The following SORBS3 variants were observed in gnomAD, a reference collection of about 807,000 sequenced individuals.
SORBS3 encodes sorbin and SH3 domain containing 3, also known as vinexin.
SORBS3 carries 69 observed loss-of-function variants against 98.0 expected under a neutral mutation model. That is an observed-to-expected ratio of 0.70 (90% CI 0.58 to 0.86). The LOEUF (loss-of-function observed/expected upper bound fraction) is 0.86. SORBS3 is among the 40% of genes least tolerant of loss of function. The probability of loss-of-function intolerance (pLI) is 0.00; values close to 1 mark genes in which losing one functional copy is unlikely to be tolerated. For missense variants in SORBS3, 954 were observed against 908.5 expected, an observed-to-expected ratio of 1.05 and a Z score of -0.64; for synonymous variants, 394 against 355.4, an observed-to-expected ratio of 1.11 and a Z score of -1.22.
chr8:22,569,806 C>G (rs1840525379), intron 17 of SORBS3, among the ~76,000 whole-genome samples: 1 of 152,018 alleles, frequency 6.6e-6, no homozygotes, highest in Non-Finnish European at 1.5e-5. Flanking sequence ...CTCCTGGGCT[C>G]AAGCGATCCC....
intron 1 of SORBS3, 39 bp downstream of exon 1, chr8:22,552,061 C>G: frequency 1.0e-6 from 1 of 985,246 alleles, no homozygotes; most frequent in Non-Finnish European, 1.2e-6. Context: ...TAGGCGAGGC[C>G]GGCGGGAGGG....
intron 17 of SORBS3, among the ~76,000 whole-genome samples, chr8:22,569,710 T>C (rs2117287548): frequency 6.6e-6 from 1 of 152,322 alleles, no homozygotes; most frequent in Admixed American, 6.5e-5. Flanking sequence ...CCCCAGTCTC[T>C]TTCATTATGC....
At chr8:22,565,111 G>A in intron 10 of SORBS3, 157 bp from the exon 11 acceptor site, 1 of 1,461,928 alleles carries the variant, frequency 6.8e-7, no homozygotes, top group South Asian at 1.4e-5. Flanking sequence ...TTGGCACCCT[G>A]GGCCACACCT....
At chr8:22,566,280 C>CTAGGGGTG in intron 12 of SORBS3, 65 bp from the exon 13 acceptor site, 1 of 1,576,300 alleles carries the variant, frequency 6.3e-7, no homozygotes, top group South Asian at 1.2e-5. Context: ...TCAGAGCGGT[C>CTAGGGGTG]TAGGGGTGAC....
At chr8:22,564,815 C>T (rs1176169621) in intron 10 of SORBS3, 2 of 1,315,742 alleles carry the variant, frequency 1.5e-6, no homozygotes, top group Non-Finnish European at 9.7e-7. Flanking sequence ...CCTTGAGAAG[C>T]TCCGAGGGCC....
chr8:22,565,346 T>TC lies in SORBS3; in HGVS notation c.900dup (p.Lys301GlnfsTer45). On this transcript the variant is annotated frameshift_variant, in exon 11 of 21. Coordinates refer to ENST00000240123, the MANE Select transcript of SORBS3 (RefSeq NM_005775.5). LOFTEE classifies it high-confidence loss of function. ...GCGGGCAATTGAGACCCGACTGCCGTCCCCCAAGGTACCAGCCCCCAGGGT... is the reference window on the plus strand; with the variant it reads ...GCGGGCAATTGAGACCCGACTGCCGTCCCCCCAAGGTACCAGCCCCCAGGGT... 6.4e-7 allele frequency: 1 copy of TC among 1,550,938 alleles called. No individual in the cohort carries two copies. The highest frequency in any genetic ancestry group is 8.7e-7 in the Non-Finnish European group (1 of 1,148,210).
chr8:22,565,556 G>C, intron 11 of SORBS3: 6 of 580,444 alleles, frequency 1.0e-5, no homozygotes, highest in Non-Finnish European at 1.5e-5. Context: ...TTTCGCAAGT[G>C]ACCCCGAGGA....
chr8:22,568,785 G>A (rs1382564363), intron 16 of SORBS3, among the ~76,000 whole-genome samples: 1 of 152,116 alleles, frequency 6.6e-6, no homozygotes. Flanking sequence ...GCTCAGTTTT[G>A]GAACAGTTCC....
intron 16 of SORBS3, among the ~76,000 whole-genome samples, chr8:22,567,521 T>C (rs1292956900): frequency 6.6e-6 from 1 of 152,212 alleles, no homozygotes; most frequent in Admixed American, 6.5e-5. Context: ...AGTTTATAAA[T>C]CACGTATACA....
Position 22,571,706 on chromosome 8 carries a change from G to C in SORBS3, c.1744-12G>C. 6.2e-7 allele frequency: 1 copy of C among 1,603,364 alleles called. No individual in the cohort carries two copies. Among genetic ancestry groups the C allele is most frequent in the Non-Finnish European group, 8.5e-7 (1 of 1,170,438 alleles). ...CTCCCTCTGACATCCCTTTCTTCCT[G>C]TCAACTCCCAGAATCTTGGCACCCC... On this transcript the variant is annotated splice_polypyrimidine_tract_variant and intron_variant, in intron 18 of 20. Transcript: ENST00000240123.
intron 1 of SORBS3, among the ~76,000 whole-genome samples, chr8:22,546,103 A>G (rs1336674292): frequency 6.6e-6 from 1 of 152,164 alleles, no homozygotes; most frequent in Admixed American, 6.5e-5. Flanking sequence ...TCTTGCTTTC[A>G]GTTATGTTAA....
chr8:22,561,960 T>G (rs765919552), intron 7 of SORBS3, 29 bp downstream of exon 7: 36 of 1,608,634 alleles, frequency 2.2e-5, no homozygotes, highest in Non-Finnish European at 3.0e-5. Flanking sequence ...GGCCGAGGGC[T>G]GCGGAGGGGC....
upstream of SORBS3, among the ~76,000 whole-genome samples, chr8:22,549,283 A>G (rs1840048828): frequency 6.6e-6 from 1 of 152,188 alleles, no homozygotes; most frequent in African/African-American, 2.4e-5. Context: ...TGGAAAGGAA[A>G]GGAATCTGTT....
chr8:22,547,291 C>T (rs1432202891), upstream of SORBS3, among the ~76,000 whole-genome samples: 1 of 149,750 alleles, frequency 6.7e-6, no homozygotes, highest in Non-Finnish European at 1.5e-5. Flanking sequence ...CTGTTCCTCA[C>T]TTTGTTGCCT....
In SORBS3 at chr8:22,554,677, TG is replaced by T. The variant is rs1840151391; in HGVS notation, c.102+74del. 2 of 1,505,136 alleles carry T rather than the reference TG, an allele frequency of 1.3e-6. No individual in the cohort carries two copies. The highest frequency in any genetic ancestry group is 2.4e-5 in the East Asian group (1 of 41,198). The allele number at this position is 1,505,136 out of a possible 1,614,324, so 93.2% of individuals were successfully genotyped here. ...TTGGTTGGGACGCTAGCAGGTCAGG[TG>T]GGGGCAGGAGGATGAAAGGGATGGA... On this transcript the variant is annotated intron_variant, in intron 2 of 20. Coordinates refer to ENST00000240123, the MANE Select transcript of SORBS3 (RefSeq NM_005775.5). This position sits in a 1 kb window ranked among gnomAD's most constrained non-coding sequence, Gnocchi z 6.5.
At chr8:22,546,224 A>T (rs1840014470) in intron 1 of SORBS3, among the ~76,000 whole-genome samples, 1 of 152,216 alleles carries the variant, frequency 6.6e-6, no homozygotes. Context: ...TAATCTTAAG[A>T]TTTAAAAAAA....
At chr8:22,558,466 T>C (rs983399618) in intron 5 of SORBS3, among the ~76,000 whole-genome samples, 2 of 152,176 alleles carry the variant, frequency 1.3e-5, no homozygotes, top group Non-Finnish European at 2.9e-5. Context: ...CTTAAGTCCC[T>C]CTCTGATTTC....
chr8:22,560,872 T>TGC (rs1289668038), intron 5 of SORBS3: 1,381 of 84,390 alleles, frequency 0.016, 13 homozygotes, highest in East Asian at 0.035. Flanking sequence ...TGTGTGTGTG[T>TGC]GCGCGCGCGC....
chr8:22,553,622 T>G (rs898554274), intron 1 of SORBS3, among the ~76,000 whole-genome samples: 1 of 152,184 alleles, frequency 6.6e-6, no homozygotes, highest in Non-Finnish European at 1.5e-5. Context: ...GGCATGGTGC[T>G]GCCAGGGAAG....
Sources: gnomAD v4.1 joint callset for allele counts (sites outside exome capture counted in the v4.1 genomes callset) on GRCh38, gnomAD v4.1.1 for gene constraint, Gnocchi (gnomAD v3.1) non-coding constraint, MANE v1.5 for transcripts, NCBI Gene and HGNC (gene_info 2026-07-23, HGNC 2026-07-21) for gene names.